Variants in COL4A1 observed in about 807,000 individuals in gnomAD.
The protein encoded by COL4A1 is collagen type IV alpha 1 chain.
Under a neutral mutation model 216.6 loss-of-function variants are expected in COL4A1, and 40 were observed. The observed-to-expected ratio is 0.18, with a 90% CI of 0.14 to 0.24. The LOEUF is 0.24. Among genes scored for constraint, COL4A1 ranks in the 10% least tolerant of loss-of-function variants. COL4A1 has a pLI of 1.00. For missense variants in COL4A1, 1,628 were observed against 2,196.8 expected, an observed-to-expected ratio of 0.74 and a Z score of 5.18; for synonymous variants, 839 against 810.7, an observed-to-expected ratio of 1.03 and a Z score of -0.59.
At chr13:110,236,131 C>T (rs1165421258) in intron 2 of COL4A1, among the ~76,000 whole-genome samples, 2 of 152,094 alleles carry the variant, frequency 1.3e-5, no homozygotes, top group African/African-American at 2.4e-5. Flanking sequence ...AGCACAAAAA[C>T]GACTAGAATG....
At chr13:110,197,062 T>G (rs1225721266) in intron 21 of COL4A1, among the ~76,000 whole-genome samples, 1 of 152,210 alleles carries the variant, frequency 6.6e-6, no homozygotes, top group Non-Finnish European at 1.5e-5. Context: ...AAAGTTCATA[T>G]TTTTACATGA....
At chr13:110,289,052 C>T (rs930241220) in intron 1 of COL4A1, among the ~76,000 whole-genome samples, 35 of 152,002 alleles carry the variant, frequency 2.3e-4, no homozygotes, top group East Asian at 1.9e-4. Flanking sequence ...AAAAAAGATG[C>T]GTGTCACAGG....
intron 49 of COL4A1, among the ~76,000 whole-genome samples, chr13:110,155,697 G>A (rs975650114): frequency 2.0e-5 from 3 of 152,158 alleles, no homozygotes; most frequent in African/African-American, 7.2e-5. Flanking sequence ...GATCACCTGA[G>A]GTCAGGAGTT....
At chr13:110,201,039 C>G (rs1323478216) in intron 19 of COL4A1, 150 bp from the exon 20 acceptor site, 1 of 815,242 alleles carries the variant, frequency 1.2e-6, no homozygotes, top group East Asian at 2.6e-5. Flanking sequence ...ACCACCCGAG[C>G]CCCCACTCTG....
At chr13:110,300,121 A>G (rs543149124) in intron 1 of COL4A1, among the ~76,000 whole-genome samples, 56 of 152,316 alleles carry the variant, frequency 3.7e-4, no homozygotes, top group Non-Finnish European at 3.7e-4. Context: ...TAGATTAGAT[A>G]TTAATATTGT....
At position 110,287,439 on chromosome 13, in the gene COL4A1, G is replaced by A. The variant is rs538297823; in HGVS notation, c.84+19505C>T. 2.5e-4 allele frequency among the ~76,000 whole-genome samples: 38 copies of A among 152,216 alleles called. No individual in the cohort carries two copies. In the South Asian group the frequency reaches 4.6e-3, roughly 18 times the overall value. ...AATATCTTATCTTTGTGAAGTTCCCGGTTCCTCTCTAAACAAGAAGCACCA... is the reference window on the plus strand; with the variant it reads ...AATATCTTATCTTTGTGAAGTTCCCAGTTCCTCTCTAAACAAGAAGCACCA... On this transcript the variant is annotated intron_variant, in intron 1 of 51. Transcript: ENST00000375820.
At chr13:110,195,147 T>A in intron 21 of COL4A1, 29 bp from the exon 22 acceptor site, 2 of 1,594,060 alleles carry the variant, frequency 1.3e-6, no homozygotes, top group South Asian at 2.2e-5. Flanking sequence ...AGTTATAGGA[T>A]CATAGCTAGG....
intron 17 of COL4A1, 21 bp downstream of exon 17, chr13:110,205,332 C>T (rs1440390159): frequency 1.9e-6 from 3 of 1,613,744 alleles, no homozygotes; most frequent in Non-Finnish European, 1.7e-6. Flanking sequence ...GATAAAGGCT[C>T]ACAATAGTGC....
intron 1 of COL4A1, among the ~76,000 whole-genome samples, chr13:110,271,833 A>G (rs1321108513): frequency 6.6e-6 from 1 of 152,224 alleles, no homozygotes; most frequent in Non-Finnish European, 1.5e-5. Context: ...GTAAGACATT[A>G]ACATTTGGGG....
rs1555307875 is a variant in COL4A1, at chr13:110,219,688, A to ATGTATATATATGTGTATATATG, written c.145-5674_145-5673insCATATATACACATATATATACA. 2.9e-3 allele frequency among the ~76,000 whole-genome samples: 332 copies of ATGTATATATATGTGTATATATG among 114,034 alleles called. 10 individuals carry two copies. The East Asian group carries it at 0.059, about 20-fold the overall frequency. 74.8% of individuals were successfully genotyped at this position (114,034 alleles called of 152,430 possible). On this transcript the variant is annotated intron_variant, in intron 2 of 51. Coordinates refer to ENST00000375820, the MANE Select transcript of COL4A1 (RefSeq NM_001845.6). ...TATATATATATATATGTGTATATAT[A>ATGTATATATATGTGTATATATG]TGTATATATATGTATATACATATGT...
In COL4A1 at chr13:110,150,261, T is replaced by C; in HGVS notation, c.*102A>G. 1.8e-6 allele frequency: 2 copies of C among 1,124,356 alleles called. No individual in the cohort carries two copies. Among genetic ancestry groups the C allele is most frequent in the Non-Finnish European group, 2.6e-6 (2 of 764,222 alleles). The allele number at this position is 1,124,356 out of a possible 1,614,324, so 69.6% of individuals were successfully genotyped here. A position where few individuals can be genotyped will look rare whatever the true frequency, so the allele number is the denominator to read the frequency against. ...TATAAGGCACTTTACGGTTTTCATA[T>C]TGGACAGTGAGGTACACAGGATATA... On this transcript the variant is annotated 3_prime_UTR_variant, in exon 52 of 52. Coordinates refer to ENST00000375820, the MANE Select transcript of COL4A1 (RefSeq NM_001845.6).
chr13:110,272,260 C>T (rs898449490), intron 1 of COL4A1, among the ~76,000 whole-genome samples: 2 of 152,184 alleles, frequency 1.3e-5, no homozygotes, highest in African/African-American at 4.8e-5. Context: ...TATACCTACA[C>T]ACATTTTTCC....
intron 30 of COL4A1, 103 bp from the exon 31 acceptor site, chr13:110,179,139 G>A: frequency 1.3e-6 from 2 of 1,537,730 alleles, no homozygotes; most frequent in Non-Finnish European, 1.8e-6. Context: ...AAAGCCACGA[G>A]CTCTAGGCCT....
At chr13:110,213,658 T>A in intron 4 of COL4A1, 124 bp downstream of exon 4, 2 of 964,162 alleles carry the variant, frequency 2.1e-6, no homozygotes, top group Non-Finnish European at 3.3e-6. Flanking sequence ...CTGCCCGTGC[T>A]GTGTGAGCTG....
At chr13:110,305,839 G>A (rs1298092010) in intron 1 of COL4A1, 1 of 152,210 alleles carries the variant, frequency 6.6e-6, no homozygotes, top group Non-Finnish European at 1.5e-5. Flanking sequence ...CAGTTAAGTG[G>A]ATTTAGTGAG....
chr13:110,154,208 T>A (rs3825485), intron 50 of COL4A1, among the ~76,000 whole-genome samples: 6,643 of 152,328 alleles, frequency 0.044, 239 homozygotes, highest in East Asian at 0.22. Context: ...TACTGGGAAT[T>A]GGCAAATTCC....
At chr13:110,242,463 C>A (rs1402635226) in intron 2 of COL4A1, among the ~76,000 whole-genome samples, 1 of 152,202 alleles carries the variant, frequency 6.6e-6, no homozygotes. Flanking sequence ...TTGCCACATA[C>A]TATTACATTC....
intron 1 of COL4A1, among the ~76,000 whole-genome samples, chr13:110,267,475 G>A (rs746891624): frequency 6.6e-6 from 1 of 152,112 alleles, no homozygotes; most frequent in African/African-American, 2.4e-5. Flanking sequence ...AGAAGGGCTT[G>A]AGGAATCTTT....
At position 110,260,778 on chromosome 13, in the gene COL4A1, G is replaced by A. The variant is rs540262332; in HGVS notation, c.85-18044C>T. Among the ~76,000 whole-genome samples the A allele has an allele frequency of 9.2e-5, 14 of 152,202 alleles. No individual in the cohort carries two copies. The East Asian group carries it at 2.1e-3, about 23-fold the overall frequency. On this transcript the variant is annotated intron_variant, in intron 1 of 51. Coordinates refer to ENST00000375820, the MANE Select transcript of COL4A1 (RefSeq NM_001845.6). ...AAAATGGTCAAAGTGGGCCGGGCGC[G>A]GTGGCTCACGCCTGTAATCCCAGCA... is the stretch of plus-strand genomic sequence containing the variant.
Sources: allele counts gnomAD v4.1 joint callset (sites outside exome capture counted in the v4.1 genomes callset), GRCh38; gene constraint gnomAD v4.1.1; transcripts MANE v1.5; gene names NCBI Gene and HGNC (gene_info 2026-07-23, HGNC 2026-07-21).